CSMD1: variants seen among roughly 807,000 people sequenced by gnomAD.
CSMD1 encodes CUB and Sushi multiple domains 1, also known as CUB and sushi domain-containing protein 1.
In CSMD1, 213 loss-of-function variants were observed where a neutral mutation model predicts 417.5. The observed-to-expected ratio is 0.51, with a 90% confidence interval of 0.46 to 0.57. The LOEUF (loss-of-function observed/expected upper bound fraction) is 0.57, where lower values mean the gene tolerates loss of function less well. Ranked by LOEUF, CSMD1 falls within the 20% of genes least tolerant of loss-of-function variation. CSMD1 has a pLI of 0.00. For missense variants in CSMD1, 6,923 were observed against 4,529.7 expected (o/e 1.53, Z -15.17); for synonymous variants, 2,862 against 1,736.8 (o/e 1.65, Z -16.11).
chr8:3,394,601 G>A (rs1362931289), intron 17 of CSMD1, among the ~76,000 whole-genome samples: 2 of 141,566 alleles, frequency 1.4e-5, no homozygotes, highest in African/African-American at 2.6e-5. Flanking sequence ...ATATATCTAA[G>A]AGTCAAGAAA....
At chr8:4,610,928 G>A (rs961700500) in intron 2 of CSMD1, among the ~76,000 whole-genome samples, 1 of 152,158 alleles carries the variant, frequency 6.6e-6, no homozygotes, top group Non-Finnish European at 1.5e-5. Context: ...ACATAACTAT[G>A]TTGGAAATCA....
chr8:3,958,945 C>T (rs1585035136), intron 5 of CSMD1, among the ~76,000 whole-genome samples: 1 of 152,056 alleles, frequency 6.6e-6, no homozygotes, highest in Admixed American at 6.6e-5. Flanking sequence ...TTTTTTGAGC[C>T]CTGACCTTGG....
chr8:4,830,942 A>G (rs1030819581), intron 1 of CSMD1, among the ~76,000 whole-genome samples: 1 of 152,212 alleles, frequency 6.6e-6, no homozygotes, highest in African/African-American at 2.4e-5. Context: ...CCCAGAAATT[A>G]TCTGCTGCCT....
chr8:3,748,530 C>G (rs191897827), intron 6 of CSMD1, among the ~76,000 whole-genome samples: 45 of 152,238 alleles, frequency 3.0e-4, no homozygotes, highest in African/African-American at 9.9e-4. Flanking sequence ...TGAGCACTTT[C>G]CAGGTTCTAG....
chr8:3,911,107 GT>G (rs1414139074), intron 5 of CSMD1, among the ~76,000 whole-genome samples: 3 of 152,116 alleles, frequency 2.0e-5, no homozygotes, highest in Non-Finnish European at 4.4e-5. Flanking sequence ...GGCAGCTGTG[GT>G]TTACTGGACA....
At chr8:3,458,413 T>C (rs184113232) in intron 12 of CSMD1, among the ~76,000 whole-genome samples, 2 of 152,274 alleles carry the variant, frequency 1.3e-5, no homozygotes, top group East Asian at 1.9e-4. Context: ...CAAGAGTCAA[T>C]GGGTCTTCTG....
chr8:3,857,841 C>A (rs1804421103), intron 5 of CSMD1, among the ~76,000 whole-genome samples: 1 of 152,266 alleles, frequency 6.6e-6, no homozygotes, highest in Admixed American at 6.5e-5. Flanking sequence ...TATAAAATAC[C>A]TAGAGTTACC....
chr8:3,686,203 T>G (rs989084220), intron 7 of CSMD1, among the ~76,000 whole-genome samples: 1 of 152,150 alleles, frequency 6.6e-6, no homozygotes, highest in Non-Finnish European at 1.5e-5. Context: ...TCTGTGAAGT[T>G]AGAGTGTGGG....
At chr8:4,095,132 G>C (rs574713977) in intron 3 of CSMD1, among the ~76,000 whole-genome samples, 29 of 152,168 alleles carry the variant, frequency 1.9e-4, no homozygotes, top group African/African-American at 6.8e-4. Context: ...AAGAACTTGG[G>C]AGGAAGAGAG....
At chr8:3,482,051 C>A (rs140146799) in intron 11 of CSMD1, among the ~76,000 whole-genome samples, 13 of 151,988 alleles carry the variant, frequency 8.6e-5, no homozygotes, top group Non-Finnish European at 1.6e-4. Flanking sequence ...ATGAAATATA[C>A]CACAAACAGG....
intron 3 of CSMD1, among the ~76,000 whole-genome samples, chr8:4,345,773 T>C (rs940373386): frequency 2.0e-5 from 3 of 152,118 alleles, no homozygotes; most frequent in African/African-American, 4.8e-5. Flanking sequence ...TCAACCCCGT[T>C]AAAATGCTAA....
At chr8:3,348,477 C>T (rs907081407) in intron 21 of CSMD1, among the ~76,000 whole-genome samples, 17 of 152,142 alleles carry the variant, frequency 1.1e-4, no homozygotes, top group African/African-American at 3.6e-4. Context: ...CTGGCTGTGT[C>T]GTCAGGTTGT....
chr8:3,978,653 G>C (rs1045761179), intron 5 of CSMD1, among the ~76,000 whole-genome samples: 1 of 152,008 alleles, frequency 6.6e-6, no homozygotes, highest in African/African-American at 2.4e-5. Context: ...CCACCTCCTC[G>C]TGGTGATGAT....
rs1248354951 is a variant in CSMD1 at position 3,714,559 on chromosome 8, CCCAA to C, written c.932-6072_932-6069del. Among the ~76,000 whole-genome samples the C allele has an allele frequency of 1.5e-3, 4 of 2,592 alleles. 1 individual carries two copies. Among genetic ancestry groups the C allele is most frequent in the Non-Finnish European group, 2.9e-3 (2 of 694 alleles). The allele number at this position is 2,592 out of a possible 152,430, so 1.7% of individuals were successfully genotyped here. A position where few individuals can be genotyped will look rare whatever the true frequency, so the allele number is the denominator to read the frequency against. The stretch of plus-strand genomic sequence containing the variant: ...CAACATGGCGAAACCCCATCTCTAT[CCCAA>C]AAAAAAAAAAAAAAAAAATTAGCCC... On this transcript the variant is annotated intron_variant, in intron 6 of 69. Coordinates refer to ENST00000635120, the MANE Select transcript of CSMD1 (RefSeq NM_033225.6).
chr8:4,300,768 G>C (rs376097661), intron 3 of CSMD1, among the ~76,000 whole-genome samples: 2 of 151,970 alleles, frequency 1.3e-5, no homozygotes, highest in African/African-American at 4.8e-5. Flanking sequence ...CCTCCCTATG[G>C]GTGAGAACAT....
intron 2 of CSMD1, among the ~76,000 whole-genome samples, chr8:4,550,989 G>C (rs1797844821): frequency 6.6e-6 from 1 of 152,064 alleles, no homozygotes; most frequent in African/African-American, 2.4e-5. Context: ...ACCAAACAAA[G>C]GCTGCCCAAA....
At chr8:3,119,154 C>T (rs1016570239) in intron 41 of CSMD1, among the ~76,000 whole-genome samples, 7 of 151,680 alleles carry the variant, frequency 4.6e-5, no homozygotes, top group East Asian at 3.9e-4. Flanking sequence ...CGCTCCAGCC[C>T]GGGCGACAGA....
intron 3 of CSMD1, among the ~76,000 whole-genome samples, chr8:4,079,192 G>A (rs956267243): frequency 1.1e-4 from 16 of 152,008 alleles, no homozygotes; most frequent in African/African-American, 3.9e-4. Context: ...TAATGTTTTA[G>A]TCTATAGAGA....
chr8:4,838,921 T>C (rs1007994892), intron 1 of CSMD1, among the ~76,000 whole-genome samples: 2 of 152,232 alleles, frequency 1.3e-5, no homozygotes, highest in African/African-American at 4.8e-5. Flanking sequence ...TACATAAACT[T>C]ATTTTATGAA....
Sources: gnomAD v4.1 joint callset for allele counts (sites outside exome capture counted in the v4.1 genomes callset) on GRCh38, gnomAD v4.1.1 for gene constraint, MANE v1.5 for transcripts, NCBI Gene and HGNC (gene_info 2026-07-23, HGNC 2026-07-21) for gene names.